OSBPL10: variants seen among roughly 807,000 people sequenced by gnomAD.
The protein encoded by OSBPL10 is oxysterol binding protein like 10.
Under a neutral mutation model 81.7 loss-of-function variants are expected in OSBPL10, and 49 were observed. That is an observed-to-expected ratio of 0.60 (90% CI 0.48 to 0.76). OSBPL10 has a LOEUF of 0.76. Ranked by LOEUF, OSBPL10 falls within the 30% of genes least tolerant of loss-of-function variation. The pLI is 0.00. For synonymous variants in OSBPL10, 419 were observed against 383.6 expected, an observed-to-expected ratio of 1.09 and a Z score of -1.08; for missense variants, 923 against 987.8, an observed-to-expected ratio of 0.93 and a Z score of 0.88.
chr3:31,747,805 G>C, intron 5 of OSBPL10, 105 bp downstream of exon 5: 1 of 1,187,530 alleles, frequency 8.4e-7, no homozygotes, highest in Admixed American at 1.7e-5. Context: ...AAGGATAGAT[G>C]GATGGATCGT....
chr3:31,754,128 A>T (rs752309690), intron 4 of OSBPL10, among the ~76,000 whole-genome samples: 38 of 149,204 alleles, frequency 2.5e-4, no homozygotes, highest in Non-Finnish European at 4.8e-4. Context: ...CTCTTGTTCT[A>T]CACCTCCTGG....
chr3:31,801,980 T>C lies in OSBPL10; in HGVS notation c.729+28060A>G, dbSNP rs1051585869. Among the ~76,000 whole-genome samples, 9 of 152,064 alleles carry C rather than the reference T, an allele frequency of 5.9e-5. 2 individuals are homozygous for C. The highest frequency in any genetic ancestry group is 2.0e-4 in the East Asian group (1 of 5,104). On this transcript the variant is annotated intron_variant, in intron 4 of 11. Transcript: ENST00000396556. ...CTGGGATTATAGGCATGTGCCACCA[T>C]GCCCGGCTAATTTTGTATTTTTAGT...
chr3:31,991,721 A>T (rs1157640062), intron 2 of OSBPL10: 1 of 157,150 alleles, frequency 6.4e-6, no homozygotes, highest in Non-Finnish European at 1.5e-5. Flanking sequence ...CTGAAAAAAA[A>T]AATGGATAAC....
chr3:31,935,366 T>C (rs1046277362), intron 1 of OSBPL10, among the ~76,000 whole-genome samples: 4 of 152,256 alleles, frequency 2.6e-5, no homozygotes, highest in South Asian at 4.1e-4. Context: ...AAACTTTTTT[T>C]TTATACAGTA....
chr3:32,063,625 T>G (rs560862555), intron 1 of OSBPL10, among the ~76,000 whole-genome samples: 1 of 92,374 alleles, frequency 1.1e-5, no homozygotes, highest in South Asian at 4.3e-4. Flanking sequence ...CATCTTGAAT[T>G]GTAATCCCTA....
chr3:32,025,899 C>T (rs1363611764), intron 2 of OSBPL10, among the ~76,000 whole-genome samples: 2 of 152,128 alleles, frequency 1.3e-5, no homozygotes, highest in Non-Finnish European at 2.9e-5. Context: ...TGCACACACA[C>T]ACAGACTCCA....
chr3:31,854,807 A>G (rs2125583841), intron 3 of OSBPL10, among the ~76,000 whole-genome samples: 1 of 152,304 alleles, frequency 6.6e-6, no homozygotes, highest in Non-Finnish European at 1.5e-5. Context: ...CTTTTTCCTA[A>G]TTTAAGGGTA....
At chr3:31,720,790 T>C (rs1025970281) in intron 6 of OSBPL10, among the ~76,000 whole-genome samples, 28 of 148,682 alleles carry the variant, frequency 1.9e-4, no homozygotes, top group African/African-American at 5.5e-4. Context: ...ATCCTAGCTA[T>C]TGGGGAGGCT....
rs1306473764 is a variant in OSBPL10 at position 31,930,003 on chromosome 3, C to CAAACAAAAAAAAAAAAAAAAAAAA, written c.282-50174_282-50173insTTTTTTTTTTTTTTTTTTTTGTTT. On this transcript the variant is annotated intron_variant, in intron 1 of 11. Coordinates refer to ENST00000396556, the MANE Select transcript of OSBPL10 (RefSeq NM_017784.5). ...GATCAAGTGAGACCCTGTCACCAAC[C>CAAACAAAAAAAAAAAAAAAAAAAA]AAAAAAAAAAAAAAAAAAAAAAACA... Among the ~76,000 whole-genome samples the CAAACAAAAAAAAAAAAAAAAAAAA allele has an allele frequency of 5.5e-5, 4 of 72,574 alleles. 2 individuals are homozygous for CAAACAAAAAAAAAAAAAAAAAAAA. The highest frequency in any genetic ancestry group is 1.0e-4 in the Non-Finnish European group (4 of 38,446). 47.6% of individuals were successfully genotyped at this position (72,574 alleles called of 152,430 possible).
intron 1 of OSBPL10, among the ~76,000 whole-genome samples, chr3:31,890,267 GT>G (rs1695855040): frequency 6.6e-6 from 1 of 151,408 alleles, no homozygotes; most frequent in South Asian, 2.1e-4. Flanking sequence ...CAAGATGAAT[GT>G]TATTTAAGCA....
chr3:31,863,040 T>A (rs1575588581), intron 3 of OSBPL10, among the ~76,000 whole-genome samples: 1 of 152,132 alleles, frequency 6.6e-6, no homozygotes, highest in East Asian at 1.9e-4. Flanking sequence ...GATGAAGGGA[T>A]TAAAAATTAT....
chr3:31,863,573 G>C (rs929922308), intron 3 of OSBPL10, among the ~76,000 whole-genome samples: 1 of 152,192 alleles, frequency 6.6e-6, no homozygotes, highest in African/African-American at 2.4e-5. Flanking sequence ...TTACAGGGTT[G>C]TTGTGAGAAA....
rs75805612 is a variant in OSBPL10 at position 31,959,340 on chromosome 3, T to A, written c.281+21559A>T. Among the ~76,000 whole-genome samples the A allele has an allele frequency of 4.7e-3, 715 of 152,344 alleles. 6 individuals carry two copies. Among genetic ancestry groups the A allele is most frequent in the African/African-American group, 0.016 (678 of 41,578 alleles). Reference sequence around the variant, plus strand: ...AGCAGTCCTAAAGGCCAGTTCTGTATTCATAACCTGGAAAATAAAATAAAA... The same window carrying A: ...AGCAGTCCTAAAGGCCAGTTCTGTAATCATAACCTGGAAAATAAAATAAAA... On this transcript the variant is annotated intron_variant, in intron 1 of 11. Coordinates refer to ENST00000396556, the MANE Select transcript of OSBPL10 (RefSeq NM_017784.5).
At chr3:31,730,558 T>C (rs528329176) in intron 6 of OSBPL10, among the ~76,000 whole-genome samples, 1 of 152,320 alleles carries the variant, frequency 6.6e-6, no homozygotes, top group South Asian at 2.1e-4. Context: ...CTCATTTCAT[T>C]ATAGAAGAAT....
intron 1 of OSBPL10, among the ~76,000 whole-genome samples, chr3:31,925,861 T>A (rs1257009513): frequency 6.6e-6 from 1 of 152,084 alleles, no homozygotes; most frequent in Admixed American, 6.6e-5. Flanking sequence ...AAGAAGAATA[T>A]CCCAAAGCAA....
rs138578317 is a variant in OSBPL10 at position 32,039,913 on chromosome 3, G to T, written n.298+6578C>A. ...AAGACAGTCTCACTCACGGATAGGT[G>T]TGAAAATCCTAAATAAAACCCTGGC... On this transcript the variant is annotated intron_variant and non_coding_transcript_variant, in intron 2 of 3. Transcript: ENST00000479173. 7.1e-3 allele frequency among the ~76,000 whole-genome samples: 1,088 copies of T among 152,242 alleles called. 11 individuals carry two copies. Among genetic ancestry groups the T allele is most frequent in the African/African-American group, 0.025 (1,043 of 41,534 alleles).
chr3:31,972,093 G>C (rs954439989), intron 1 of OSBPL10, among the ~76,000 whole-genome samples: 1 of 152,174 alleles, frequency 6.6e-6, no homozygotes, highest in Non-Finnish European at 1.5e-5. Flanking sequence ...GGCTTAGAAA[G>C]TTTCCCAACT....
chr3:31,935,780 G>A (rs998513192), intron 1 of OSBPL10, among the ~76,000 whole-genome samples: 10 of 151,928 alleles, frequency 6.6e-5, no homozygotes, highest in African/African-American at 2.4e-4. Flanking sequence ...CCTCAGCCTC[G>A]CAAAGTCCTG....
At chr3:31,883,332 C>T (rs188900221) in intron 1 of OSBPL10, among the ~76,000 whole-genome samples, 6 of 152,080 alleles carry the variant, frequency 3.9e-5, no homozygotes, top group Admixed American at 3.9e-4. Context: ...CTCCACTTCC[C>T]AGGTTCAAGT....
Sources: gnomAD v4.1 joint callset for allele counts (sites outside exome capture counted in the v4.1 genomes callset) on GRCh38, gnomAD v4.1.1 for gene constraint, MANE v1.5 for transcripts, NCBI Gene and HGNC (gene_info 2026-07-23, HGNC 2026-07-21) for gene names.